The following CSMD1 variants were observed in gnomAD, a reference collection of about 807,000 sequenced individuals.
The protein encoded by CSMD1 is CUB and sushi domain-containing protein 1.
In CSMD1, 213 loss-of-function variants were observed where a neutral mutation model predicts 417.5. The ratio of observed to expected loss-of-function variants is 0.51; its 90% CI spans 0.46 to 0.57. CSMD1 has a LOEUF of 0.57. Among genes scored for constraint, CSMD1 ranks in the 20% least tolerant of loss-of-function variants. The pLI is 0.00. For missense variants in CSMD1, 6,923 were observed against 4,529.7 expected (o/e 1.53, Z -15.17); for synonymous variants, 2,862 against 1,736.8 (o/e 1.65, Z -16.11).
chr8:4,860,497 TA>T (rs1252402373), intron 1 of CSMD1, among the ~76,000 whole-genome samples: 4 of 152,040 alleles, frequency 2.6e-5, no homozygotes, highest in African/African-American at 7.3e-5. Context: ...CATCATCTTT[TA>T]CCATGAGTAA....
intron 3 of CSMD1, among the ~76,000 whole-genome samples, chr8:4,192,274 A>G (rs759412516): frequency 7.2e-5 from 11 of 152,216 alleles, no homozygotes; most frequent in Admixed American, 5.2e-4. Flanking sequence ...GACTGTCTAG[A>G]TAATAATTTT....
intron 3 of CSMD1, among the ~76,000 whole-genome samples, chr8:4,140,622 T>G (rs1803729002): frequency 6.6e-6 from 1 of 150,902 alleles, no homozygotes; most frequent in Non-Finnish European, 1.5e-5. Flanking sequence ...GAGCCATGAT[T>G]GCGCCACTGC....
At chr8:4,060,251 T>C (rs1225409191) in intron 3 of CSMD1, among the ~76,000 whole-genome samples, 1 of 152,158 alleles carries the variant, frequency 6.6e-6, no homozygotes, top group East Asian at 1.9e-4. Context: ...CAACCCTTCA[T>C]GCTAAAAACT....
chr8:4,669,020 C>G (rs1022317641), intron 1 of CSMD1, among the ~76,000 whole-genome samples: 2 of 152,098 alleles, frequency 1.3e-5, no homozygotes, highest in Non-Finnish European at 2.9e-5. Context: ...TCACTCATTT[C>G]CTTTGAAATA....
intron 3 of CSMD1, among the ~76,000 whole-genome samples, chr8:4,231,238 T>A (rs927840141): frequency 6.6e-6 from 1 of 152,342 alleles, no homozygotes. Context: ...TTGAGGTTAC[T>A]GCCGCCATCA....
chr8:4,904,859 T>G (rs1328708348), intron 1 of CSMD1, among the ~76,000 whole-genome samples: 1 of 152,212 alleles, frequency 6.6e-6, no homozygotes, highest in Non-Finnish European at 1.5e-5. Context: ...TGTAAATTAC[T>G]ACCTTTCGGG....
At chr8:3,804,681 T>C (rs1306245001) in intron 5 of CSMD1, among the ~76,000 whole-genome samples, 1 of 152,122 alleles carries the variant, frequency 6.6e-6, no homozygotes. Context: ...TTAAGAGAAA[T>C]GTGAGTAGGA....
At chr8:2,949,142 A>G (rs1802447342) in intron 68 of CSMD1, among the ~76,000 whole-genome samples, 157 bp downstream of exon 68, 1 of 147,016 alleles carries the variant, frequency 6.8e-6, no homozygotes, top group Admixed American at 6.8e-5. Context: ...TTTGCTATTC[A>G]AAATAATTTT....
chr8:3,913,601 T>C (rs888516941), intron 5 of CSMD1, among the ~76,000 whole-genome samples: 1 of 152,104 alleles, frequency 6.6e-6, no homozygotes, highest in Non-Finnish European at 1.5e-5. Flanking sequence ...TGCCCACAGA[T>C]CTGGCAAGAA....
chr8:3,865,032 A>C (rs946501160), intron 5 of CSMD1, among the ~76,000 whole-genome samples: 2 of 152,176 alleles, frequency 1.3e-5, no homozygotes, highest in African/African-American at 4.8e-5. Flanking sequence ...TAATTTGTCA[A>C]GTAAGACATG....
chr8:3,976,837 C>T (rs1221279748), intron 5 of CSMD1, among the ~76,000 whole-genome samples: 1 of 152,098 alleles, frequency 6.6e-6, no homozygotes. Context: ...TCAACCACTG[C>T]ACTGACCTCA....
At chr8:3,748,429 G>C (rs554876995) in intron 6 of CSMD1, among the ~76,000 whole-genome samples, 1 of 152,144 alleles carries the variant, frequency 6.6e-6, no homozygotes, top group South Asian at 2.1e-4. Context: ...CCCATGTGGA[G>C]GTTTCTAGAC....
chr8:4,169,412 T>G (rs1797640033), intron 3 of CSMD1, among the ~76,000 whole-genome samples: 1 of 152,164 alleles, frequency 6.6e-6, no homozygotes. Flanking sequence ...AATACTCGTC[T>G]TTTTCTCACA....
At chr8:4,468,693 A>C (rs1800338940) in intron 2 of CSMD1, among the ~76,000 whole-genome samples, 2 of 152,202 alleles carry the variant, frequency 1.3e-5, no homozygotes, top group Admixed American at 1.3e-4. Context: ...TATCATAACA[A>C]GAGTGTTTAG....
At chr8:4,774,723 A>T (rs1484496366) in intron 1 of CSMD1, among the ~76,000 whole-genome samples, 2 of 152,150 alleles carry the variant, frequency 1.3e-5, no homozygotes, top group African/African-American at 4.8e-5. Context: ...GTTTGGTGCC[A>T]TGCCTTTGTT....
intron 3 of CSMD1, among the ~76,000 whole-genome samples, chr8:4,209,341 A>G (rs1649487344): frequency 6.6e-6 from 1 of 152,132 alleles, no homozygotes; most frequent in Admixed American, 6.6e-5. Context: ...ACTCACAGGG[A>G]CAGAAAGAAT....
chr8:4,700,088 C>G (rs574795526), intron 1 of CSMD1, among the ~76,000 whole-genome samples: 1 of 152,144 alleles, frequency 6.6e-6, no homozygotes, highest in Non-Finnish European at 1.5e-5. Flanking sequence ...TGAAGGAGCT[C>G]ACCACAGAGT....
chr8:3,673,275 T>G (rs28660513), intron 7 of CSMD1, among the ~76,000 whole-genome samples: 23,406 of 152,214 alleles, frequency 0.15, 2,024 homozygotes, highest in South Asian at 0.22. Flanking sequence ...TGTCCTCTTT[T>G]TCTCAAATCC....
At chr8:4,349,979 C>G (rs924544554) in intron 3 of CSMD1, among the ~76,000 whole-genome samples, 3 of 152,144 alleles carry the variant, frequency 2.0e-5, no homozygotes, top group Admixed American at 1.3e-4. Flanking sequence ...TTAAGGGATC[C>G]AAAGTAATAG....
Sources: allele counts gnomAD v4.1 joint callset (sites outside exome capture counted in the v4.1 genomes callset), GRCh38; gene constraint gnomAD v4.1.1; transcripts MANE v1.5; gene names NCBI Gene and HGNC (gene_info 2026-07-23, HGNC 2026-07-21).